Variants in ZMYM4 observed in about 807,000 individuals in gnomAD.
ZMYM4 encodes zinc finger MYM-type containing 4, also known as zinc finger MYM-type protein 4.
A neutral mutation model predicts 183.2 loss-of-function variants in ZMYM4; 31 were observed. The ratio of observed to expected loss-of-function variants is 0.17; its 90% confidence interval spans 0.13 to 0.23. The LOEUF (loss-of-function observed/expected upper bound fraction) is 0.23. ZMYM4 is among the 10% of genes least tolerant of loss of function. ZMYM4 has a pLI of 1.00. For missense variants in ZMYM4, 1,273 were observed against 1,840.3 expected (o/e 0.69, Z 5.64); for synonymous variants, 592 against 631.2 (o/e 0.94, Z 0.93).
rs1482391782 is a variant in ZMYM4, at chr1:35,330,061, A to G, written c.85+4656A>G. On this transcript the variant is annotated intron_variant, in intron 2 of 29. Transcript: ENST00000314607. ...AAGACCCTGTCTCTGCAAAAAATACATAAAATAGTTGAATGTGGTGGTGCA... is the reference window on the plus strand; with the variant it reads ...AAGACCCTGTCTCTGCAAAAAATACGTAAAATAGTTGAATGTGGTGGTGCA... Among the ~76,000 whole-genome samples the G allele has an allele frequency of 7.9e-5, 12 of 152,032 alleles. 1 individual carries two copies. The highest frequency in any genetic ancestry group is 7.2e-4 in the Admixed American group (11 of 15,238).
intron 23 of ZMYM4, 83 bp downstream of exon 23, chr1:35,399,659 G>A: frequency 7.0e-7 from 1 of 1,431,944 alleles, no homozygotes; most frequent in Non-Finnish European, 9.7e-7. Context: ...TCAAAACTCT[G>A]TAACAGCCAG....
chr1:35,379,505 G>T (rs1342938491), intron 7 of ZMYM4, among the ~76,000 whole-genome samples: 1 of 152,224 alleles, frequency 6.6e-6, no homozygotes, highest in African/African-American at 2.4e-5. Flanking sequence ...CAAAGTGCTG[G>T]CATTACAGGC....
At chr1:35,342,027 C>T (rs922293360) in intron 2 of ZMYM4, among the ~76,000 whole-genome samples, 2 of 151,888 alleles carry the variant, frequency 1.3e-5, no homozygotes, top group Non-Finnish European at 2.9e-5. Context: ...ATCATCTGGA[C>T]CTAGATATTT....
chr1:35,357,781 A>T (rs1311289653), intron 2 of ZMYM4, among the ~76,000 whole-genome samples: 1 of 152,168 alleles, frequency 6.6e-6, no homozygotes, highest in Non-Finnish European at 1.5e-5. Context: ...AGACATCCGA[A>T]ATCTTATAAG....
intron 2 of ZMYM4, chr1:35,351,507 G>A: frequency 2.1e-6 from 3 of 1,455,026 alleles, no homozygotes; most frequent in Non-Finnish European, 2.8e-6. Context: ...AAAAAGAAGA[G>A]GTGGAACCAT....
At chr1:35,320,038 G>T (rs1225924327) in intron 1 of ZMYM4, among the ~76,000 whole-genome samples, 1 of 152,154 alleles carries the variant, frequency 6.6e-6, no homozygotes, top group Non-Finnish European at 1.5e-5. Flanking sequence ...AATATCTTTG[G>T]GCTAGTGTGA....
chr1:35,400,341 A>G (rs1291291685), intron 23 of ZMYM4: 1 of 149,816 alleles, frequency 6.7e-6, no homozygotes, highest in African/African-American at 2.5e-5. Context: ...AGCTGGGACT[A>G]CAGGTGCCCG....
At chr1:35,379,788 C>G (rs957226826) in intron 7 of ZMYM4, among the ~76,000 whole-genome samples, 1 of 152,168 alleles carries the variant, frequency 6.6e-6, no homozygotes, top group Non-Finnish European at 1.5e-5. Flanking sequence ...ATTATTATGC[C>G]TCAGGGAATA....
At chr1:35,272,852 G>T (rs1450150312) in intron 1 of ZMYM4, among the ~76,000 whole-genome samples, 1 of 152,096 alleles carries the variant, frequency 6.6e-6, no homozygotes, top group East Asian at 1.9e-4. Context: ...GGGACTACAG[G>T]CTCCCACCAC....
chr1:35,315,544 C>T (rs1642006721), intron 1 of ZMYM4, among the ~76,000 whole-genome samples: 1 of 152,068 alleles, frequency 6.6e-6, no homozygotes, highest in Admixed American at 6.6e-5. Flanking sequence ...AGTGTAATTT[C>T]TGTGAACTAA....
chr1:35,279,937 TCAC>T (rs1640062146), intron 1 of ZMYM4, among the ~76,000 whole-genome samples: 1 of 152,240 alleles, frequency 6.6e-6, no homozygotes, highest in Admixed American at 6.5e-5. Flanking sequence ...TAGTTGCTCA[TCAC>T]ATCCTTCTAA....
intron 2 of ZMYM4, among the ~76,000 whole-genome samples, chr1:35,353,481 C>T (rs979305836): frequency 2.0e-5 from 3 of 152,092 alleles, no homozygotes; most frequent in African/African-American, 7.2e-5. Context: ...CTGTTTATTT[C>T]TCTTTTCTCA....
chr1:35,355,137 C>T (rs1440571833), intron 2 of ZMYM4, among the ~76,000 whole-genome samples: 1 of 151,390 alleles, frequency 6.6e-6, no homozygotes, highest in African/African-American at 2.4e-5. Flanking sequence ...AGGTTCACGC[C>T]ATTCTCCTGC....
intron 2 of ZMYM4, among the ~76,000 whole-genome samples, chr1:35,344,089 T>C (rs895375905): frequency 9.9e-5 from 15 of 151,622 alleles, no homozygotes; most frequent in African/African-American, 3.4e-4. Flanking sequence ...ATTCTTGCTC[T>C]GTTGCCCAGG....
At chr1:35,417,590 C>G (rs989421964) in intron 28 of ZMYM4, among the ~76,000 whole-genome samples, 2 of 152,120 alleles carry the variant, frequency 1.3e-5, no homozygotes, top group Non-Finnish European at 2.9e-5. Context: ...GTAGTCCCAG[C>G]TACTCCAAAG....
chr1:35,270,924 G>A (rs918641855), intron 1 of ZMYM4, among the ~76,000 whole-genome samples: 7 of 152,034 alleles, frequency 4.6e-5, no homozygotes, highest in Admixed American at 6.6e-5. Context: ...ATAAGTTTAC[G>A]AAATGTTGGA....
At position 35,398,337 on chromosome 1, in the gene ZMYM4, A is replaced by G. The variant is rs1644844586; in HGVS notation, c.3200-76A>G. ...GAACTTTGTAGTATGATTGATGTAT[A>G]TAGTGCAGTCATTTCATTTGAGATA... On this transcript the variant is annotated intron_variant, in intron 20 of 29. Transcript: ENST00000314607. 4.0e-6 allele frequency: 5 copies of G among 1,254,712 alleles called. No individual in the cohort carries two copies. The African/African-American group carries it at 6.0e-5, about 15-fold the overall frequency. The allele number at this position is 1,254,712 out of a possible 1,614,324, so 77.7% of individuals were successfully genotyped here.
At chr1:35,286,572 G>A (rs1384758250) in intron 1 of ZMYM4, among the ~76,000 whole-genome samples, 1 of 149,960 alleles carries the variant, frequency 6.7e-6, no homozygotes, top group Non-Finnish European at 1.5e-5. Flanking sequence ...TCACTCCTGA[G>A]CCTGCCTGCC....
chr1:35,394,476 A>C (rs1219703839), intron 18 of ZMYM4, among the ~76,000 whole-genome samples: 1 of 152,002 alleles, frequency 6.6e-6, no homozygotes, highest in African/African-American at 2.4e-5. Context: ...CGGATGAGAA[A>C]TGCTTGTGGC....
Sources: allele counts gnomAD v4.1 joint callset (sites outside exome capture counted in the v4.1 genomes callset), GRCh38; gene constraint gnomAD v4.1.1; transcripts MANE v1.5; gene names NCBI Gene and HGNC (gene_info 2026-07-23, HGNC 2026-07-21).